CEP295NL: variants seen among roughly 807,000 people sequenced by gnomAD.
CEP295NL encodes protein DDC8 homolog.
Under a neutral mutation model 4.6 loss-of-function variants are expected in CEP295NL, and 3 were observed. The observed-to-expected ratio is 0.65, with a 90% CI of 0.30 to 1.69. The LOEUF (loss-of-function observed/expected upper bound fraction) is 1.69, where lower values mean the gene tolerates loss of function less well. Ranked by LOEUF, CEP295NL falls within the 40% of genes most tolerant of loss-of-function variation. CEP295NL has a pLI of 0.10. For synonymous variants in CEP295NL, 295 were observed against 312.2 expected (o/e 0.94, Z 0.58); for missense variants, 719 against 769.0 (o/e 0.93, Z 0.77).
intron 2 of CEP295NL, chr17:78,897,071 G>T: frequency 1.1e-6 from 1 of 891,614 alleles, no homozygotes; most frequent in Non-Finnish European, 1.3e-6. Flanking sequence ...AGGCAGCGTG[G>T]AAGTGCCAGG....
intron 1 of CEP295NL, chr17:78,902,877 A>G (rs2070117339): frequency 6.6e-6 from 1 of 152,306 alleles, no homozygotes; most frequent in African/African-American, 2.4e-5. Context: ...TCCAACAACC[A>G]TATTCATCTC....
chr17:78,893,221 AG>A (rs1246817828), intron 2 of CEP295NL, among the ~76,000 whole-genome samples: 4 of 109,606 alleles, frequency 3.6e-5, no homozygotes, highest in Admixed American at 1.8e-4. Context: ...ATGTGTGTGC[AG>A]GGGTGTGTGT....
rs1049127123 is a variant in CEP295NL at position 78,891,936 on chromosome 17, T to A, written c.568A>T (p.Arg190Trp). ...GCTGTCTTCCGGGGCCTGGAGTGCCTGGGGTGTTGCTGGCCCAACTCTTCC... is the reference window on the plus strand; with the variant it reads ...GCTGTCTTCCGGGGCCTGGAGTGCCAGGGGTGTTGCTGGCCCAACTCTTCC... ...CREELGQQHP[R>W]HSRPRKTAAS... is the part of the protein sequence containing the mutation. The change falls in exon 3 of 3, where the codon AGG becomes TGG. Residue 190 changes from arginine to tryptophan, a missense_variant. Coordinates refer to ENST00000322630, the MANE Select transcript of CEP295NL (RefSeq NM_001243540.2). The surrounding 1 kb of genome is among the most constrained non-coding windows in gnomAD (Gnocchi z 4.5). 1 of 1,550,568 alleles carries A rather than the reference T, an allele frequency of 6.4e-7. No individual in the cohort carries two copies. Among genetic ancestry groups the A allele is most frequent in the East Asian group, 2.4e-5 (1 of 40,912 alleles).
In CEP295NL at chr17:78,896,154, T is replaced by C. The variant is rs117398514; in HGVS notation, c.45-3695A>G. 2.1e-3 allele frequency among the ~76,000 whole-genome samples: 323 copies of C among 152,350 alleles called. 6 individuals are homozygous for C. In the East Asian group the frequency reaches 0.053, roughly 25 times the overall value. ...CCATCAGATGCAACCTCGTCCCCGC[T>C]ACCCCAGCTCTCCTTGCTCTCCCCT... is the stretch of plus-strand genomic sequence containing the variant. On this transcript the variant is annotated intron_variant, in intron 2 of 2. Coordinates refer to ENST00000322630, the MANE Select transcript of CEP295NL (RefSeq NM_001243540.2). The surrounding 1 kb of genome is among the most constrained non-coding windows in gnomAD (Gnocchi z 4.4).
rs2069899156 is a variant in CEP295NL at position 78,891,748 on chromosome 17, C to A, written c.756G>T (p.Arg252Ser). 6.4e-7 allele frequency: 1 copy of A among 1,551,262 alleles called. No individual in the cohort carries two copies. The highest frequency in any genetic ancestry group is 1.7e-4 in the Middle Eastern group (1 of 5,998). The change falls in exon 3 of 3, where the codon AGG becomes AGT. Residue 252 changes from arginine to serine, a missense_variant. Transcript: ENST00000322630. This position sits in a 1 kb window ranked among gnomAD's most constrained non-coding sequence, Gnocchi z 4.5. The stretch of plus-strand genomic sequence containing the variant: ...CCACAGCAGCCACGAGTGGGTTTGA[C>A]CTTTCTAGGTCCGCCCCTTTGCTCC... ...PRRSKGADLERSNPLVAAVGE... is the reference protein window; with the variant it reads ...PRRSKGADLESSNPLVAAVGE...
chr17:78,895,834 C>G (rs1261091337), intron 2 of CEP295NL, among the ~76,000 whole-genome samples: 1 of 152,126 alleles, frequency 6.6e-6, no homozygotes, highest in African/African-American at 2.4e-5. Context: ...CTGGAGGCCC[C>G]AAGGTTCACA....
At chr17:78,902,978 C>A (rs550790490) in intron 1 of CEP295NL, among the ~76,000 whole-genome samples, 156 bp downstream of exon 1, 1 of 152,236 alleles carries the variant, frequency 6.6e-6, no homozygotes, top group Non-Finnish European at 1.5e-5. Flanking sequence ...GCTGGCCTTG[C>A]GAACCCACGG....
intron 2 of CEP295NL, among the ~76,000 whole-genome samples, chr17:78,900,412 G>A (rs1388719369): frequency 6.6e-6 from 1 of 152,100 alleles, no homozygotes; most frequent in Non-Finnish European, 1.5e-5. Flanking sequence ...AGGTGTGGTG[G>A]TATATGCCTG....
At position 78,896,303 on chromosome 17, in the gene CEP295NL, G is replaced by A. The variant is rs1398048338; in HGVS notation, c.45-3844C>T. Among the ~76,000 whole-genome samples, 1 of 152,186 alleles carries A rather than the reference G, an allele frequency of 6.6e-6. No homozygotes were observed. Among genetic ancestry groups the A allele is most frequent in the Non-Finnish European group, 1.5e-5 (1 of 68,034 alleles). On this transcript the variant is annotated intron_variant, in intron 2 of 2. Transcript: ENST00000322630. This position sits in a 1 kb window ranked among gnomAD's most constrained non-coding sequence, Gnocchi z 4.4. The stretch of plus-strand genomic sequence containing the variant: ...CCAAGATGACCAAGGAGAAACAGCC[G>A]TTCACCTGTTGCACAGCCTGCTGGG...
At position 78,892,362 on chromosome 17, in the gene CEP295NL, C is replaced by T. The variant is rs1376222568; in HGVS notation, c.142G>A (p.Val48Ile). 1 of 1,550,542 alleles carries T rather than the reference C, an allele frequency of 6.4e-7. No individual in the cohort carries two copies. The highest frequency in any genetic ancestry group is 1.4e-5 in the African/African-American group (1 of 73,072). ...LGSKHLPWEA[V>I]SAGFADRNRN... is the part of the protein sequence containing the mutation. ...TTCCTGTCTGCGAACCCAGCAGATA[C>T]AGCTTCCCAGGGAAGGTGCTTGGAG... The change falls in exon 3 of 3, where the codon GTA (valine) becomes ATA (isoleucine). Residue 48 changes from valine to isoleucine, a missense_variant. Physicochemically the swap from Val to Ile is conservative, Grantham distance 29 (BLOSUM62 3). Transcript: ENST00000322630.
intron 2 of CEP295NL, chr17:78,899,426 G>C (rs1357673352): frequency 6.6e-6 from 1 of 152,444 alleles, no homozygotes; most frequent in South Asian, 2.1e-4. Context: ...GCAACCCGCA[G>C]CCACGTGCAT....
chr17:78,899,867 C>CG (rs926161479), intron 2 of CEP295NL: 2 of 152,194 alleles, frequency 1.3e-5, no homozygotes, highest in African/African-American at 4.8e-5. Flanking sequence ...GCCCAGCACC[C>CG]GGGCCACATA....
Position 78,891,455 on chromosome 17 carries a change from T to A in CEP295NL, c.1049A>T (p.Asn350Ile). The change falls in exon 3 of 3, where the codon AAT (asparagine) becomes ATT (isoleucine). Residue 350 changes from asparagine (N) to isoleucine (I), a missense_variant. By Grantham distance (149) the Asn-to-Ile change is moderately radical. Coordinates refer to ENST00000322630, the MANE Select transcript of CEP295NL (RefSeq NM_001243540.2). This position sits in a 1 kb window ranked among gnomAD's most constrained non-coding sequence, Gnocchi z 4.5. ...GTGTTTTTTCAGCTTTCTGTTTATA[T>A]TAAACAACTCTTCAAAGGCCAACTC... ...ELELAFEELF[N>I]INRKLKKHLC... 6.4e-7 allele frequency: 1 copy of A among 1,551,082 alleles called. No homozygotes were observed. The highest frequency in any genetic ancestry group is 8.7e-7 in the Non-Finnish European group (1 of 1,147,100).
rs773173015 is a variant in CEP295NL at position 78,890,627 on chromosome 17, G to T, written c.*11C>A. 3.1e-5 allele frequency: 48 copies of T among 1,546,816 alleles called. 1 individual carries two copies. The South Asian group carries it at 4.9e-4, about 16-fold the overall frequency. Reference sequence around the variant, plus strand: ...TCAGTGATGTATTTACCCCGGGTGGGCCTCTCGCATTTAGCATATGTTCTG... The same window carrying T: ...TCAGTGATGTATTTACCCCGGGTGGTCCTCTCGCATTTAGCATATGTTCTG... On this transcript the variant is annotated 3_prime_UTR_variant, in exon 3 of 3. Transcript: ENST00000322630.
chr17:78,898,157 G>A (rs1458716434), intron 2 of CEP295NL: 1 of 152,270 alleles, frequency 6.6e-6, no homozygotes, highest in African/African-American at 2.4e-5. Context: ...CAGACCCGCA[G>A]GGTTTCATAC....
intron 2 of CEP295NL, among the ~76,000 whole-genome samples, chr17:78,894,906 A>T (rs923673705): frequency 2.0e-5 from 3 of 152,336 alleles, no homozygotes; most frequent in African/African-American, 7.2e-5. Context: ...TGCAAATCAT[A>T]TATCCAACAG....
chr17:78,890,633 C>T lies in CEP295NL; in HGVS notation c.*5G>A, dbSNP rs763567061. 7.8e-5 allele frequency: 120 copies of T among 1,547,386 alleles called. No individual in the cohort carries two copies. The highest frequency in any genetic ancestry group is 9.8e-5 in the Non-Finnish European group (112 of 1,144,490). On this transcript the variant is annotated 3_prime_UTR_variant, in exon 3 of 3. Transcript: ENST00000322630. ...ATGTATTTACCCCGGGTGGGCCTCT[C>T]GCATTTAGCATATGTTCTGAAACTC...
In CEP295NL at chr17:78,891,801, C is replaced by G; in HGVS notation, c.703G>C (p.Gly235Arg). The part of the protein sequence containing the change: ...GRPEPSTKSG[G>R]GRCAIHPRRS... ...CGAGGATGGATGGCACAGCGGCCAC[C>G]CCCAGACTTGGTCGAAGGTTCTGGC... Residue 235 changes from glycine to arginine, a missense_variant, in exon 3 of 3, where the codon GGT becomes CGT. Physicochemically the swap from Gly to Arg is moderately radical, Grantham distance 125. Transcript: ENST00000322630. The surrounding 1 kb of genome is among the most constrained non-coding windows in gnomAD (Gnocchi z 4.5). 1 of 1,551,048 alleles carries G rather than the reference C, an allele frequency of 6.4e-7. No homozygotes were observed. Among genetic ancestry groups the G allele is most frequent in the Non-Finnish European group, 8.7e-7 (1 of 1,147,090 alleles).
chr17:78,891,304 C>T lies in CEP295NL; in HGVS notation c.1200G>A (p.Met400Ile). 6.4e-7 allele frequency: 1 copy of T among 1,550,552 alleles called. No homozygotes were observed. Among genetic ancestry groups the T allele is most frequent in the Non-Finnish European group, 8.7e-7 (1 of 1,146,966 alleles). ...GGCTCCTGGGTTCCCCGGCAGGCAG[C>T]ATCTCTGGGTCTGCCATTTTCTTCC... ...PRGKKMADPE[M>I]LPAGEPRSPA... is the part of the protein sequence containing the mutation. The change falls in exon 3 of 3, where the codon ATG becomes ATA. Residue 400 changes from methionine (M) to isoleucine (I), a missense_variant. Met to Ile is a conservative substitution (Grantham distance 10). Transcript: ENST00000322630. This position sits in a 1 kb window ranked among gnomAD's most constrained non-coding sequence, Gnocchi z 4.5.
Sources: allele counts gnomAD v4.1 joint callset (sites outside exome capture counted in the v4.1 genomes callset), GRCh38; gene constraint gnomAD v4.1.1; non-coding constraint Gnocchi (gnomAD v3.1); transcripts MANE v1.5; gene names NCBI Gene and HGNC (gene_info 2026-07-23, HGNC 2026-07-21).